PRELID2: variants seen among roughly 807,000 people sequenced by gnomAD.
PRELID2 encodes the protein PRELI domain-containing protein 2.
PRELID2 carries 25 observed loss-of-function variants against 28.4 expected under a neutral mutation model. The observed-to-expected ratio is 0.88, with a 90% CI of 0.64 to 1.23. The LOEUF is 1.23. PRELID2 is among the 50% of genes most tolerant of loss of function. The probability of loss-of-function intolerance (pLI) is 0.00; values close to 1 mark genes in which losing one functional copy is unlikely to be tolerated. For missense variants in PRELID2, 201 were observed against 214.4 expected (o/e 0.94, Z 0.39); for synonymous variants, 76 against 71.6 (o/e 1.06, Z -0.31).
At position 145,486,578 on chromosome 5, in the gene PRELID2, C is replaced by T. The variant is rs193163663; in HGVS notation, n.71-13263G>A. Among the ~76,000 whole-genome samples, 98 of 152,298 alleles carry T rather than the reference C, an allele frequency of 6.4e-4. No homozygotes were observed. In the East Asian group the frequency reaches 0.012, roughly 18 times the overall value. On this transcript the variant is annotated intron_variant and non_coding_transcript_variant, in intron 1 of 2. Transcript: ENST00000510259. ...TGGTGCATTTTTCTGTAAGACCGCT[C>T]TTGGGGAAAATTCAGTCTGGGCACA...
intron 2 of PRELID2, 74 bp from the exon 3 acceptor site, chr5:145,820,092 G>A (rs913932761): frequency 1.2e-4 from 106 of 885,212 alleles, no homozygotes; most frequent in Middle Eastern, 2.4e-4. Flanking sequence ...TAAATCTTGC[G>A]GGGGTGGGGT....
At chr5:145,667,325 A>G (rs1348467383) in intron 1 of PRELID2, among the ~76,000 whole-genome samples, 1 of 152,094 alleles carries the variant, frequency 6.6e-6, no homozygotes, top group African/African-American at 2.4e-5. Context: ...TTCTGCCTGC[A>G]ATATTCTGGC....
intron 1 of PRELID2, among the ~76,000 whole-genome samples, chr5:145,742,625 A>G (rs936476124): frequency 6.6e-6 from 1 of 151,064 alleles, no homozygotes; most frequent in African/African-American, 2.4e-5. Context: ...AATTTATAGC[A>G]CTATATGCAT....
chr5:145,805,201 C>T (rs1004679864), intron 4 of PRELID2, among the ~76,000 whole-genome samples: 16 of 152,266 alleles, frequency 1.1e-4, no homozygotes, highest in African/African-American at 3.4e-4. Context: ...GTCTCCCCTC[C>T]TCATCCCTTA....
the PRELID2 span, among the ~76,000 whole-genome samples, chr5:145,449,415 C>A: frequency 6.6e-6 from 1 of 152,146 alleles, no homozygotes; most frequent in African/African-American, 2.4e-5. Context: ...ATCTCTCCAA[C>A]TGTCCCCAGT....
the PRELID2 span, among the ~76,000 whole-genome samples, chr5:145,248,638 A>T: frequency 1.3e-5 from 2 of 152,038 alleles, no homozygotes; most frequent in Admixed American, 1.3e-4. Flanking sequence ...CTCTAATAAA[A>T]ATACAAAAAT....
rs149871447 is a variant in PRELID2, at chr5:145,764,790, C to T, written c.*10+141G>A. The T allele has an allele frequency of 6.0e-5, 38 of 633,304 alleles. No homozygotes were observed. In the African/African-American group the frequency reaches 6.5e-4, roughly 11 times the overall value. 39.2% of individuals were successfully genotyped at this position (633,304 alleles called of 1,614,324 possible). ...AAATAAAAGTACTGAAGAGATAAAA[C>T]ACCTGTGAAATAGTATTCTGTGCAT... On this transcript the variant is annotated intron_variant, in intron 6 of 6. Coordinates refer to ENST00000683046, the MANE Select transcript of PRELID2 (RefSeq NM_205846.3).
chr5:145,389,148 C>A, the PRELID2 span, among the ~76,000 whole-genome samples: 4 of 152,126 alleles, frequency 2.6e-5, no homozygotes, highest in African/African-American at 4.8e-5. Flanking sequence ...TTGCAACTTT[C>A]CTATGGCTAA....
At chr5:145,573,274 T>A (rs1184718238) in intron 1 of PRELID2, among the ~76,000 whole-genome samples, 2 of 152,124 alleles carry the variant, frequency 1.3e-5, no homozygotes, top group African/African-American at 4.8e-5. Flanking sequence ...TCAGACAGAA[T>A]ATAATAACTA....
At chr5:145,779,404 A>C (rs1221604279) in intron 5 of PRELID2, among the ~76,000 whole-genome samples, 2 of 152,170 alleles carry the variant, frequency 1.3e-5, no homozygotes, top group Admixed American at 1.3e-4. Context: ...ATAATGGTAA[A>C]AGTGGAAATA....
chr5:145,671,722 C>T (rs1471528021), intron 1 of PRELID2, among the ~76,000 whole-genome samples: 1 of 152,066 alleles, frequency 6.6e-6, no homozygotes, highest in Non-Finnish European at 1.5e-5. Context: ...CTTTTTAATG[C>T]CAAACTACAG....
At chr5:145,251,105 G>T in the PRELID2 span, among the ~76,000 whole-genome samples, 1 of 152,078 alleles carries the variant, frequency 6.6e-6, no homozygotes, top group African/African-American at 2.4e-5. Context: ...TGTACATCTA[G>T]ATAAAAGAGG....
intron 1 of PRELID2, among the ~76,000 whole-genome samples, chr5:145,483,018 C>A (rs183480333): frequency 6.6e-6 from 1 of 151,992 alleles, no homozygotes; most frequent in Non-Finnish European, 1.5e-5. Flanking sequence ...GTGTGGCCTG[C>A]GGGTTGAGGA....
the PRELID2 span, among the ~76,000 whole-genome samples, chr5:145,392,590 C>T: frequency 6.6e-6 from 1 of 152,036 alleles, no homozygotes; most frequent in Non-Finnish European, 1.5e-5. Flanking sequence ...ACACAATGCA[C>T]TCTGAAAACA....
chr5:145,746,924 G>A (rs1214058293), intron 1 of PRELID2, among the ~76,000 whole-genome samples: 1 of 152,154 alleles, frequency 6.6e-6, no homozygotes, highest in African/African-American at 2.4e-5. Context: ...ACCTGCTCCT[G>A]AATGACTCCT....
intron 1 of PRELID2, among the ~76,000 whole-genome samples, chr5:145,582,794 G>C (rs1753118053): frequency 6.6e-6 from 1 of 152,004 alleles, no homozygotes; most frequent in South Asian, 2.1e-4. Context: ...TGAAATTAAA[G>C]CAGTAATAAA....
chr5:145,616,154 G>A (rs1224842392), intron 1 of PRELID2, among the ~76,000 whole-genome samples: 3 of 152,140 alleles, frequency 2.0e-5, no homozygotes, highest in Admixed American at 2.0e-4. Flanking sequence ...TGGTGGTGTT[G>A]TCTCACAGCT....
the PRELID2 span, among the ~76,000 whole-genome samples, chr5:145,300,879 C>T: frequency 9.9e-5 from 15 of 151,456 alleles, no homozygotes; most frequent in Non-Finnish European, 2.1e-4. Context: ...TATAATTAGG[C>T]AAATGATTTA....
chr5:145,554,066 T>C (rs1281837392), intron 1 of PRELID2, among the ~76,000 whole-genome samples: 4 of 152,158 alleles, frequency 2.6e-5, no homozygotes, highest in Non-Finnish European at 4.4e-5. Context: ...TAGATGTTAG[T>C]TGTCTATATG....
Sources: gnomAD v4.1 joint callset for allele counts (sites outside exome capture counted in the v4.1 genomes callset) on GRCh38, gnomAD v4.1.1 for gene constraint, MANE v1.5 for transcripts, NCBI Gene and HGNC (gene_info 2026-07-23, HGNC 2026-07-21) for gene names.